Variants in VCL observed in about 807,000 individuals in gnomAD.
The protein encoded by VCL is epididymis luminal protein 114.
Under a neutral mutation model 125.7 loss-of-function variants are expected in VCL, and 47 were observed. The ratio of observed to expected loss-of-function variants is 0.37; its 90% CI spans 0.30 to 0.48. The LOEUF (loss-of-function observed/expected upper bound fraction) is 0.48. Ranked by LOEUF, VCL falls within the 20% of genes least tolerant of loss-of-function variation. The pLI is 0.99. For synonymous variants in VCL, 458 were observed against 514.6 expected, an observed-to-expected ratio of 0.89 and a Z score of 1.49; for missense variants, 1,069 against 1,455.5, an observed-to-expected ratio of 0.73 and a Z score of 4.32.
chr10:74,073,908 G>T (rs1839532407), intron 5 of VCL, among the ~76,000 whole-genome samples: 1 of 152,178 alleles, frequency 6.6e-6, no homozygotes, highest in Admixed American at 6.5e-5. Flanking sequence ...GTTTCAAGTA[G>T]TAGCTAAAAA....
chr10:74,063,476 T>C (rs74146311), intron 2 of VCL, among the ~76,000 whole-genome samples: 9,710 of 152,242 alleles, frequency 0.064, 1,065 homozygotes, highest in African/African-American at 0.22. Flanking sequence ...CTGCTTTCCT[T>C]GGCTTGTAGC....
At chr10:74,025,941 C>A (rs978521459) in intron 1 of VCL, among the ~76,000 whole-genome samples, 1 of 152,094 alleles carries the variant, frequency 6.6e-6, no homozygotes, top group Non-Finnish European at 1.5e-5. Flanking sequence ...AAATGGGTTA[C>A]CAGTTCCATG....
chr10:74,036,297 G>T (rs1245142940), intron 1 of VCL, among the ~76,000 whole-genome samples: 1 of 152,058 alleles, frequency 6.6e-6, no homozygotes, highest in Non-Finnish European at 1.5e-5. Context: ...CTGCCTCCCA[G>T]GTTCAAGTGA....
chr10:74,010,469 A>G (rs1013831722), intron 1 of VCL, among the ~76,000 whole-genome samples: 1 of 152,192 alleles, frequency 6.6e-6, no homozygotes, highest in African/African-American at 2.4e-5. Flanking sequence ...TTGAAAATTT[A>G]GAAAATCTAT....
chr10:74,066,968 T>TA (rs1332075007), intron 2 of VCL, among the ~76,000 whole-genome samples: 2 of 152,192 alleles, frequency 1.3e-5, no homozygotes, highest in Non-Finnish European at 2.9e-5. Flanking sequence ...GCACCTGGCA[T>TA]AAAATGATTA....
chr10:74,012,639 C>G (rs981134045), intron 1 of VCL, among the ~76,000 whole-genome samples: 1 of 152,034 alleles, frequency 6.6e-6, no homozygotes, highest in Non-Finnish European at 1.5e-5. Flanking sequence ...AGCAGCAGAT[C>G]GAGACTGGTA....
rs1287285851 is a variant in VCL at position 74,119,124 on chromosome 10, T to C, written c.*955T>C. Reference sequence around the variant, plus strand: ...CTTAATTGTTCATTTTGAGCTGAAATGCTGCATTTTAATTTTAACCAAAAC... The same window carrying C: ...CTTAATTGTTCATTTTGAGCTGAAACGCTGCATTTTAATTTTAACCAAAAC... On this transcript the variant is annotated 3_prime_UTR_variant, in exon 22 of 22. Transcript: ENST00000211998. The C allele has an allele frequency of 6.7e-6, 1 of 149,944 alleles. No individual in the cohort carries two copies. The highest frequency in any genetic ancestry group is 2.5e-5 in the African/African-American group (1 of 40,696). The allele number at this position is 149,944 out of a possible 1,614,324, so 9.3% of individuals were successfully genotyped here. A position where few individuals can be genotyped will look rare whatever the true frequency, so the allele number is the denominator to read the frequency against.
At chr10:74,036,905 CTTTTTCTTTTTTT>C (rs1184709143) in intron 1 of VCL, among the ~76,000 whole-genome samples, 1 of 151,002 alleles carries the variant, frequency 6.6e-6, no homozygotes, top group East Asian at 1.9e-4. Flanking sequence ...TACTTTTTTT[CTTTTTCTTTTTTT>C]TTTTTCTTTT....
intron 11 of VCL, among the ~76,000 whole-genome samples, chr10:74,095,439 A>G (rs902983744): frequency 5.3e-5 from 8 of 152,104 alleles, no homozygotes; most frequent in Admixed American, 2.6e-4. Flanking sequence ...AAAAAAACCA[A>G]TTAGCCAGGT....
At chr10:74,016,153 C>G (rs148029708) in intron 1 of VCL, among the ~76,000 whole-genome samples, 1 of 152,058 alleles carries the variant, frequency 6.6e-6, no homozygotes, top group African/African-American at 2.4e-5. Context: ...TTTTTCCCTT[C>G]TATAATTCCC....
At chr10:74,095,929 G>T in intron 12 of VCL, 74 bp downstream of exon 12, 1 of 1,540,218 alleles carries the variant, frequency 6.5e-7, no homozygotes, top group Non-Finnish European at 8.8e-7. Context: ...GGAAGAGAGA[G>T]TTTTGAAAAA....
chr10:74,078,026 A>T (rs2136277500), intron 6 of VCL, among the ~76,000 whole-genome samples: 1 of 152,294 alleles, frequency 6.6e-6, no homozygotes, highest in Admixed American at 6.5e-5. Context: ...AGTTAAACAC[A>T]ATTCTAATTC....
In VCL at chr10:73,998,150, G is replaced by C; in HGVS notation, c.-58G>C. On this transcript the variant is annotated 5_prime_UTR_variant, in exon 1 of 22. Transcript: ENST00000211998. ...ACAGTCTGTCTCTTCGCCGGTTCCC[G>C]GCCCCGTGGATCCTACTTCTCTGTC... is the stretch of plus-strand genomic sequence containing the variant. 6.3e-7 allele frequency: 1 copy of C among 1,586,682 alleles called. No individual in the cohort carries two copies. The highest frequency in any genetic ancestry group is 1.8e-5 in the Admixed American group (1 of 56,930).
chr10:74,076,000 A>G (rs1839579257), intron 6 of VCL: 1 of 152,590 alleles, frequency 6.6e-6, no homozygotes, highest in Non-Finnish European at 1.5e-5. Flanking sequence ...TTTAACTCTG[A>G]TATTTTATTT....
chr10:74,083,546 T>G, intron 8 of VCL, 33 bp downstream of exon 8: 3 of 1,612,014 alleles, frequency 1.9e-6, no homozygotes, highest in South Asian at 2.2e-5. Context: ...AGAGCAGTAG[T>G]GGGTAACTCA....
chr10:74,055,368 A>G (rs1317150474), intron 2 of VCL, among the ~76,000 whole-genome samples: 2 of 152,054 alleles, frequency 1.3e-5, no homozygotes. Flanking sequence ...TTTTTGAGAC[A>G]GGATCTTGCT....
chr10:74,101,605 G>C (rs1840059343), intron 14 of VCL, among the ~76,000 whole-genome samples: 1 of 139,410 alleles, frequency 7.2e-6, no homozygotes, highest in African/African-American at 2.9e-5. Flanking sequence ...CCGGACTGTG[G>C]ACTGCAGTGG....
chr10:74,094,938 A>C (rs1378036296), intron 11 of VCL, among the ~76,000 whole-genome samples: 2 of 152,188 alleles, frequency 1.3e-5, no homozygotes, highest in Non-Finnish European at 2.9e-5. Context: ...TGTCTCTTTA[A>C]AAACAAAACA....
chr10:74,090,075 G>A lies in VCL; in HGVS notation c.1229G>A (p.Gly410Asp), dbSNP rs1064796607. The A allele has an allele frequency of 1.2e-6, 2 of 1,614,044 alleles. No homozygotes were observed. Among genetic ancestry groups the A allele is most frequent in the African/African-American group, 2.7e-5 (2 of 74,918 alleles). Residue 410 changes from glycine (G) to aspartate (D), a missense_variant, in exon 10 of 22, where the codon GGT (glycine) becomes GAT (aspartate). By Grantham distance (94) the Gly-to-Asp change is moderately conservative (BLOSUM62 -1). Around this residue, in one of 6 missense-constraint regions of VCL, gnomAD observed 760 missense variants for 928.9 expected, o/e 0.82. Transcript: ENST00000211998. ...GGPEGEEQIR[G>D]ALAEARKIAE... ...CCGGAAGGAGAAGAGCAGATTCGAGGTGCTTTGGCTGAAGCTCGGAAAATA... is the reference window on the plus strand; with the variant it reads ...CCGGAAGGAGAAGAGCAGATTCGAGATGCTTTGGCTGAAGCTCGGAAAATA...
Sources: allele counts gnomAD v4.1 joint callset (sites outside exome capture counted in the v4.1 genomes callset), GRCh38; gene constraint gnomAD v4.1.1; regional missense constraint gnomAD v4.1.1; transcripts MANE v1.5; gene names NCBI Gene and HGNC (gene_info 2026-07-23, HGNC 2026-07-21).